The following MID2 variants were observed in gnomAD, a reference collection of about 807,000 sequenced individuals.
MID2 encodes probable E3 ubiquitin-protein ligase MID2.
In MID2, 13 loss-of-function variants were observed where a neutral mutation model predicts 46.1. That is an observed-to-expected ratio of 0.28 (90% CI 0.18 to 0.45). The LOEUF is 0.45. MID2 is among the 20% of genes least tolerant of loss of function. The probability of loss-of-function intolerance (pLI) is 1.00; values close to 1 mark genes in which losing one functional copy is unlikely to be tolerated. For missense variants in MID2, 431 were observed against 575.4 expected (o/e 0.75, Z 2.57); for synonymous variants, 199 against 212.3 (o/e 0.94, Z 0.55).
chrX:107,878,388 A>T (rs1422443387), intron 3 of MID2, among the ~76,000 whole-genome samples: 1 of 110,417 alleles, frequency 9.1e-6, no homozygotes, highest in East Asian at 2.9e-4. Flanking sequence ...GGGGGTGGGG[A>T]TGGCACCTCT....
Position 107,826,025 on chromosome X carries a change from C to T in MID2, c.-402C>T. 3.4e-6 allele frequency: 1 copy of T among 291,788 alleles called. No homozygotes were observed. Among genetic ancestry groups the T allele is most frequent in the Non-Finnish European group, 6.0e-6 (1 of 166,479 alleles). The allele number at this position is 291,788 out of a possible 1,213,427, so 24.0% of individuals were successfully genotyped here. On this transcript the variant is annotated 5_prime_UTR_variant, in exon 1 of 10. Transcript: ENST00000262843. ...TCCCTTGGGGTGTCAGCCCCAGCCC[C>T]GTTTGCCCCCACTCCGCCTCCCTTT...
At chrX:107,826,503 G>A in intron 1 of MID2, 73 bp downstream of exon 1, 1 of 1,082,324 alleles carries the variant, frequency 9.2e-7, no homozygotes, top group Admixed American at 3.3e-5. Context: ...CTCCGGCTCC[G>A]GCCGCTTTTC....
chrX:107,899,084 T>C (rs1932770474), intron 3 of MID2, among the ~76,000 whole-genome samples: 1 of 109,601 alleles, frequency 9.1e-6, no homozygotes, highest in South Asian at 4.0e-4. Context: ...GGGGAAGTTA[T>C]CGTGGGAGTG....
intron 3 of MID2, among the ~76,000 whole-genome samples, chrX:107,879,369 A>G (rs779273763): frequency 1.1e-4 from 12 of 111,976 alleles, no homozygotes; most frequent in African/African-American, 3.9e-4. Context: ...GGGACGGAGC[A>G]GGAAGATAGT....
At chrX:107,834,679 T>C (rs1201005052) in intron 1 of MID2, among the ~76,000 whole-genome samples, 3 of 111,799 alleles carry the variant, frequency 2.7e-5, no homozygotes, top group African/African-American at 9.8e-5. Flanking sequence ...CATTGATCAC[T>C]AGAGATATCC....
At chrX:107,875,120 G>C (rs1932168205) in intron 3 of MID2, among the ~76,000 whole-genome samples, 1 of 111,954 alleles carries the variant, frequency 8.9e-6, no homozygotes, top group South Asian at 3.8e-4. Context: ...ACACTGTCCA[G>C]GTTAACTGGG....
chrX:107,874,797 G>C (rs958148528), intron 3 of MID2, among the ~76,000 whole-genome samples: 1 of 111,514 alleles, frequency 9.0e-6, no homozygotes, highest in Non-Finnish European at 1.9e-5. Flanking sequence ...TGAGGGTTTT[G>C]GGGAGGGGAA....
At chrX:107,900,694 T>C (rs1009536500) in intron 3 of MID2, among the ~76,000 whole-genome samples, 1 of 112,343 alleles carries the variant, frequency 8.9e-6, no homozygotes, top group Non-Finnish European at 1.9e-5. Flanking sequence ...CACACCTTTT[T>C]AATCTAAGTC....
intron 1 of MID2, among the ~76,000 whole-genome samples, chrX:107,832,820 G>A (rs772644325): frequency 2.8e-3 from 313 of 112,008 alleles, no homozygotes; most frequent in African/African-American, 9.7e-3. Flanking sequence ...GTGTGAATTC[G>A]ATGCATTGGT....
chrX:107,839,361 TTTTTGTTTG>T (rs1335968244), intron 1 of MID2, among the ~76,000 whole-genome samples: 3 of 107,033 alleles, frequency 2.8e-5, no homozygotes, highest in African/African-American at 1.1e-4. Context: ...TGGGTGGCTT[TTTTTGTTTG>T]TTTTGTTTGT....
At chrX:107,876,486 A>G (rs1163270414) in intron 3 of MID2, among the ~76,000 whole-genome samples, 2 of 111,306 alleles carry the variant, frequency 1.8e-5, no homozygotes, top group Admixed American at 9.5e-5. Flanking sequence ...GTAGCTTCGT[A>G]TAACTGAGAG....
At chrX:107,923,542 A>G (rs1443813146) in intron 7 of MID2, among the ~76,000 whole-genome samples, 2 of 111,838 alleles carry the variant, frequency 1.8e-5, no homozygotes, top group Non-Finnish European at 3.8e-5. Flanking sequence ...CAAAATGAAC[A>G]TGGGAATCAC....
intron 3 of MID2, among the ~76,000 whole-genome samples, chrX:107,870,514 T>A (rs1202363612): frequency 8.9e-6 from 1 of 111,828 alleles, no homozygotes; most frequent in African/African-American, 3.2e-5. Context: ...TATTAGATTC[T>A]TGAGGTTTTG....
At chrX:107,862,355 A>G (rs1393841604) in intron 3 of MID2, among the ~76,000 whole-genome samples, 1 of 111,806 alleles carries the variant, frequency 8.9e-6, no homozygotes, top group African/African-American at 3.2e-5. Context: ...CCAAATACTC[A>G]TAACCAATTT....
intron 5 of MID2, among the ~76,000 whole-genome samples, chrX:107,907,876 C>A (rs1428206136): frequency 2.7e-5 from 3 of 112,137 alleles, no homozygotes; most frequent in African/African-American, 6.5e-5. Flanking sequence ...TCTGATAATA[C>A]CATTATCAAT....
chrX:107,837,529 C>A (rs1931233291), intron 1 of MID2, among the ~76,000 whole-genome samples: 1 of 91,788 alleles, frequency 1.1e-5, no homozygotes, highest in Non-Finnish European at 2.1e-5. Context: ...GACGTAGAAA[C>A]ATGCTGTTTA....
chrX:107,849,714 A>T (rs1931568040), intron 2 of MID2, among the ~76,000 whole-genome samples: 1 of 112,663 alleles, frequency 8.9e-6, no homozygotes, highest in African/African-American at 3.2e-5. Flanking sequence ...AAAATCTGTT[A>T]TGCAAATCAG....
Position 107,849,489 on chromosome X carries a change from C to A in MID2, c.721-5120C>A, listed in dbSNP as rs935902590. ...TGTCTAGAGAAGTGAAAAAAAAAAA[C>A]CAGCAATTATTTGAGGGTTGAAGAA... On this transcript the variant is annotated intron_variant, in intron 2 of 9. Transcript: ENST00000262843. 1.3e-4 allele frequency among the ~76,000 whole-genome samples: 14 copies of A among 109,463 alleles called. No homozygotes were observed. In the East Asian group the frequency reaches 3.2e-3, roughly 25 times the overall value.
At chrX:107,914,980 T>C (rs1308401235) in intron 5 of MID2, among the ~76,000 whole-genome samples, 1 of 112,327 alleles carries the variant, frequency 8.9e-6, no homozygotes, top group Non-Finnish European at 1.9e-5. Context: ...CATAGTGTTA[T>C]GGTAAAGAGT....
Sources: allele counts gnomAD v4.1 joint callset (sites outside exome capture counted in the v4.1 genomes callset), GRCh38; gene constraint gnomAD v4.1.1; transcripts MANE v1.5; gene names NCBI Gene and HGNC (gene_info 2026-07-23, HGNC 2026-07-21).